The following CLVS2 variants were observed in gnomAD, a reference collection of about 807,000 sequenced individuals.
CLVS2 encodes the protein clavesin-2.
A neutral mutation model predicts 29.0 loss-of-function variants in CLVS2; 19 were observed. The ratio of observed to expected loss-of-function variants is 0.66; its 90% CI spans 0.46 to 0.96. CLVS2 has a LOEUF of 0.96. CLVS2 is among the 40% of genes least tolerant of loss of function. The probability of loss-of-function intolerance (pLI) is 0.00; values close to 1 mark genes in which losing one functional copy is unlikely to be tolerated. For synonymous variants in CLVS2, 161 were observed against 151.3 expected, an observed-to-expected ratio of 1.06 and a Z score of -0.47; for missense variants, 294 against 404.1, an observed-to-expected ratio of 0.73 and a Z score of 2.34.
chr6:123,042,530 C>A (rs1365229660), intron 3 of CLVS2, among the ~76,000 whole-genome samples: 3 of 152,114 alleles, frequency 2.0e-5, no homozygotes, highest in African/African-American at 7.2e-5. Context: ...AATTTAAACT[C>A]TTATCTCTGT....
At chr6:123,012,386 C>T (rs1410093179) in intron 3 of CLVS2, among the ~76,000 whole-genome samples, 1 of 151,826 alleles carries the variant, frequency 6.6e-6, no homozygotes, top group Non-Finnish European at 1.5e-5. Context: ...GGTAACCTAG[C>T]CTTTTATAAT....
chr6:123,062,174 T>C (rs901594071), intron 5 of CLVS2, among the ~76,000 whole-genome samples: 2 of 152,166 alleles, frequency 1.3e-5, no homozygotes, highest in African/African-American at 2.4e-5. Flanking sequence ...CCTCTTTCTC[T>C]TTGAACATGA....
intron 3 of CLVS2, among the ~76,000 whole-genome samples, chr6:123,014,987 G>A (rs1014378780): frequency 6.6e-6 from 1 of 151,682 alleles, no homozygotes; most frequent in African/African-American, 2.4e-5. Flanking sequence ...GGCATAGCTG[G>A]AAAGGTGAGG....
At position 123,065,937 on chromosome 6, in the gene CLVS2, C is replaced by T. The variant is rs1355584302; in HGVS notation, c.*2176C>T. 6.6e-6 allele frequency: 1 copy of T among 151,636 alleles called. No homozygotes were observed. The highest frequency in any genetic ancestry group is 1.5e-5 in the Non-Finnish European group (1 of 67,712). 9.4% of individuals were successfully genotyped at this position (151,636 alleles called of 1,614,324 possible). On this transcript the variant is annotated 3_prime_UTR_variant, in exon 6 of 6. Coordinates refer to ENST00000275162, the MANE Select transcript of CLVS2 (RefSeq NM_001010852.4). ...AGGCATATTTTATATGTATGCCTAT[C>T]TAATTATAAGTATCATTCACACTGT... is the stretch of plus-strand genomic sequence containing the variant.
chr6:123,053,009 G>GA (rs1269671849), intron 4 of CLVS2, among the ~76,000 whole-genome samples: 3 of 142,710 alleles, frequency 2.1e-5, no homozygotes, highest in Non-Finnish European at 4.6e-5. Context: ...TTAAAGAAGA[G>GA]AAAAAATCCA....
At chr6:123,030,975 C>T (rs1775076056) in intron 3 of CLVS2, among the ~76,000 whole-genome samples, 1 of 151,650 alleles carries the variant, frequency 6.6e-6, no homozygotes, top group Admixed American at 6.6e-5. Context: ...CTCTGTTGCC[C>T]AGGCTGGAGT....
At position 123,055,989 on chromosome 6, in the gene CLVS2, G is replaced by A. The variant is rs1351884730; in HGVS notation, c.859G>A (p.Glu287Lys). Residue 287 changes from glutamate (E) to lysine (K), a missense_variant, in exon 5 of 6, where the codon GAA becomes AAA. Physicochemically the swap from Glu to Lys is moderately conservative, Grantham distance 56. Around this residue, in one of 2 missense-constraint regions of CLVS2, gnomAD observed 82 missense variants for 67.8 expected, o/e 1.21. Coordinates refer to ENST00000275162, the MANE Select transcript of CLVS2 (RefSeq NM_001010852.4). ...AGACTCCTACAGCATGCCTGTGAAGGAAGTAGAGAAGGAACTCTCCCCAAA... is the reference window on the plus strand; with the variant it reads ...AGACTCCTACAGCATGCCTGTGAAGAAAGTAGAGAAGGAACTCTCCCCAAA... ...NVDSYSMPVKEVEKELSPKSM... is the reference protein window; with the variant it reads ...NVDSYSMPVKKVEKELSPKSM... 1.9e-6 allele frequency: 3 copies of A among 1,613,690 alleles called. No homozygotes were observed. Among genetic ancestry groups the A allele is most frequent in the Middle Eastern group, 1.6e-4 (1 of 6,082 alleles).
intron 4 of CLVS2, among the ~76,000 whole-genome samples, chr6:123,049,158 T>G (rs1053196780): frequency 6.6e-6 from 1 of 152,192 alleles, no homozygotes; most frequent in African/African-American, 2.4e-5. Flanking sequence ...TCTAATATAA[T>G]TTTTTACAAT....
At chr6:123,002,762 A>G (rs1384039952) in intron 2 of CLVS2, among the ~76,000 whole-genome samples, 1 of 152,194 alleles carries the variant, frequency 6.6e-6, no homozygotes, top group Non-Finnish European at 1.5e-5. Context: ...TCAGTTTATT[A>G]ACATATTAAA....
intron 3 of CLVS2, among the ~76,000 whole-genome samples, chr6:123,039,403 T>C (rs546376294): frequency 6.6e-6 from 1 of 152,318 alleles, no homozygotes; most frequent in African/African-American, 2.4e-5. Flanking sequence ...GCACAGTTAT[T>C]TGTGACCCTT....
chr6:123,005,684 C>A (rs747930471), intron 2 of CLVS2, among the ~76,000 whole-genome samples: 14 of 152,052 alleles, frequency 9.2e-5, no homozygotes, highest in Non-Finnish European at 1.9e-4. Flanking sequence ...AATTGCATGG[C>A]CAGAGGCAGG....
Position 123,048,814 on chromosome 6 carries a change from A to G in CLVS2, c.675+82A>G, listed in dbSNP as rs1582661745. The G allele has an allele frequency of 4.7e-6, 4 of 859,910 alleles. No individual in the cohort carries two copies. In the African/African-American group the frequency reaches 5.0e-5, roughly 11 times the overall value. The allele number at this position is 859,910 out of a possible 1,614,324, so 53.3% of individuals were successfully genotyped here. On this transcript the variant is annotated intron_variant, in intron 4 of 5. Coordinates refer to ENST00000275162, the MANE Select transcript of CLVS2 (RefSeq NM_001010852.4). ...GCATAATGTGTATATAATGTTAGCT[A>G]TAGTAAAATGTACTTCTACATTGTA...
At chr6:123,032,760 TA>T (rs891840687) in intron 3 of CLVS2, among the ~76,000 whole-genome samples, 1 of 152,060 alleles carries the variant, frequency 6.6e-6, no homozygotes, top group Admixed American at 6.6e-5. Flanking sequence ...GTAAGTGGAG[TA>T]AGCAGTAGAT....
At position 123,067,697 on chromosome 6, in the gene CLVS2, A is replaced by C. The variant is rs1294287572; in HGVS notation, c.*3936A>C. On this transcript the variant is annotated 3_prime_UTR_variant, in exon 6 of 6. Coordinates refer to ENST00000275162, the MANE Select transcript of CLVS2 (RefSeq NM_001010852.4). Reference sequence around the variant, plus strand: ...ATTCCATTGTAGATCTGCTATATAAATACATAGCCTGAAACATAGTAATGC... The same window carrying C: ...ATTCCATTGTAGATCTGCTATATAACTACATAGCCTGAAACATAGTAATGC... The C allele has an allele frequency of 6.6e-6, 1 of 151,624 alleles. No homozygotes were observed. Among genetic ancestry groups the C allele is most frequent in the Non-Finnish European group, 1.5e-5 (1 of 67,694 alleles). The allele number at this position is 151,624 out of a possible 1,614,324, so 9.4% of individuals were successfully genotyped here.
intron 3 of CLVS2, among the ~76,000 whole-genome samples, chr6:123,030,347 G>A (rs1775065799): frequency 6.6e-6 from 1 of 152,162 alleles, no homozygotes; most frequent in South Asian, 2.1e-4. Flanking sequence ...TGGAGTCCCA[G>A]TTATCCAAGA....
chr6:123,045,476 G>A (rs972836154), intron 3 of CLVS2, among the ~76,000 whole-genome samples: 3 of 151,968 alleles, frequency 2.0e-5, no homozygotes, highest in Admixed American at 2.0e-4. Context: ...AGGAAGGTGG[G>A]GTTCAGACAT....
chr6:123,063,255 G>C (rs1306824168), intron 5 of CLVS2, among the ~76,000 whole-genome samples: 1 of 151,900 alleles, frequency 6.6e-6, no homozygotes, highest in Non-Finnish European at 1.5e-5. Flanking sequence ...TTAAAGACTG[G>C]AATTAAGCCT....
At chr6:122,998,203 T>G (rs1314699854) in intron 2 of CLVS2, 37 bp downstream of exon 2, 1 of 1,574,160 alleles carries the variant, frequency 6.4e-7, no homozygotes, top group Admixed American at 1.8e-5. Flanking sequence ...CTCCTTTTAC[T>G]CTCCCATTTT....
chr6:123,011,421 A>G (rs1443856223), intron 3 of CLVS2, among the ~76,000 whole-genome samples: 1 of 152,054 alleles, frequency 6.6e-6, no homozygotes, highest in African/African-American at 2.4e-5. Flanking sequence ...GAAAATCAGA[A>G]CAAGCAACAT....
Sources: allele counts gnomAD v4.1 joint callset (sites outside exome capture counted in the v4.1 genomes callset), GRCh38; gene constraint gnomAD v4.1.1; regional missense constraint gnomAD v4.1.1; transcripts MANE v1.5; gene names NCBI Gene and HGNC (gene_info 2026-07-23, HGNC 2026-07-21).